HSD17B3: variants seen among roughly 807,000 people sequenced by gnomAD.
The protein encoded by HSD17B3 is 17-beta-hydroxysteroid dehydrogenase type 3.
A neutral mutation model predicts 41.1 loss-of-function variants in HSD17B3; 29 were observed. The ratio of observed to expected loss-of-function variants is 0.71; its 90% CI spans 0.53 to 0.96. The LOEUF is 0.96. Ranked by LOEUF, HSD17B3 falls within the 40% of genes least tolerant of loss-of-function variation. The pLI, the probability that HSD17B3 is intolerant of heterozygous loss-of-function variation, is 0.00. For missense variants in HSD17B3, 323 were observed against 374.6 expected, an observed-to-expected ratio of 0.86 and a Z score of 1.14; for synonymous variants, 126 against 145.6, an observed-to-expected ratio of 0.87 and a Z score of 0.97.
At chr9:96,286,082 G>A (rs2130783599) in intron 2 of HSD17B3, among the ~76,000 whole-genome samples, 2 of 152,330 alleles carry the variant, frequency 1.3e-5, no homozygotes, top group South Asian at 4.1e-4. Context: ...AGTGGCTCAT[G>A]CCTGTAATCC....
chr9:96,259,165 G>A (rs374693140), intron 2 of HSD17B3, among the ~76,000 whole-genome samples: 47 of 152,174 alleles, frequency 3.1e-4, no homozygotes, highest in African/African-American at 1.1e-3. Context: ...TCACACAGGT[G>A]TCAAGGAGCC....
intron 2 of HSD17B3, among the ~76,000 whole-genome samples, chr9:96,271,962 C>G (rs1163628498): frequency 6.6e-6 from 1 of 151,998 alleles, no homozygotes; most frequent in East Asian, 1.9e-4. Context: ...CCTTGCTGTA[C>G]TGCTTGAATT....
chr9:96,263,368 G>A (rs1284989646), intron 2 of HSD17B3, among the ~76,000 whole-genome samples: 1 of 152,010 alleles, frequency 6.6e-6, no homozygotes, highest in African/African-American at 2.4e-5. Context: ...TTGGGTAATT[G>A]AGCAACAAAT....
intron 6 of HSD17B3, among the ~76,000 whole-genome samples, chr9:96,246,999 ACT>A (rs1266590973): frequency 6.6e-6 from 1 of 151,984 alleles, no homozygotes; most frequent in Non-Finnish European, 1.5e-5. Flanking sequence ...ACCTAACAAG[ACT>A]CTGTAGAGAG....
At chr9:96,299,523 C>T (rs1827492985) in intron 1 of HSD17B3, among the ~76,000 whole-genome samples, 2 of 152,140 alleles carry the variant, frequency 1.3e-5, no homozygotes, top group Admixed American at 6.6e-5. Context: ...ATAATAACGA[C>T]GGATAACGGT....
intron 2 of HSD17B3, among the ~76,000 whole-genome samples, chr9:96,297,902 C>T (rs757194428): frequency 5.3e-5 from 8 of 152,084 alleles, no homozygotes; most frequent in African/African-American, 9.7e-5. Context: ...GAGAAATAAG[C>T]GTGGAAGCAA....
intron 2 of HSD17B3, among the ~76,000 whole-genome samples, chr9:96,286,548 T>C (rs549358907): frequency 5.4e-5 from 8 of 149,242 alleles, no homozygotes; most frequent in African/African-American, 1.8e-4. Context: ...AATTTAGCCA[T>C]GCATGGTGGC....
rs1011557175 is a variant in HSD17B3 at position 96,245,576 on chromosome 9, A to G, written c.525-150T>C. The G allele has an allele frequency of 1.4e-5, 10 of 697,358 alleles. No individual in the cohort carries two copies. The East Asian group carries it at 2.7e-4, about 19-fold the overall frequency. The allele number at this position is 697,358 out of a possible 1,614,324, so 43.2% of individuals were successfully genotyped here. On this transcript the variant is annotated intron_variant, in intron 7 of 10. Coordinates refer to ENST00000375263, the MANE Select transcript of HSD17B3 (RefSeq NM_000197.2). Reference sequence around the variant, plus strand: ...AGGGGCTCTGCTTCTAGGAATGGTAAGTGAACTTCCCCTACCTTCCCCTGG... The same window carrying G: ...AGGGGCTCTGCTTCTAGGAATGGTAGGTGAACTTCCCCTACCTTCCCCTGG...
At chr9:96,300,253 C>T (rs1046782357) in intron 1 of HSD17B3, among the ~76,000 whole-genome samples, 86 of 150,734 alleles carry the variant, frequency 5.7e-4, no homozygotes, top group Middle Eastern at 3.4e-3. Context: ...CACACACACA[C>T]GCACACAGCA....
intron 2 of HSD17B3, among the ~76,000 whole-genome samples, chr9:96,272,446 T>TATATATATATATATATATAA (rs34436322): frequency 2.3e-5 from 2 of 85,850 alleles, no homozygotes; most frequent in Admixed American, 1.5e-4. Flanking sequence ...TATATATATA[T>TATATATATATATATATATAA]AAAATATATA....
chr9:96,235,602 G>A (rs920419842), intron 10 of HSD17B3, 32 bp from the exon 11 acceptor site: 2 of 1,561,254 alleles, frequency 1.3e-6, no homozygotes, highest in Non-Finnish European at 1.8e-6. Context: ...GTGTTGGGGA[G>A]GAAGGAATAA....
At position 96,261,603 on chromosome 9, in the gene HSD17B3, G is replaced by C. The variant is rs1031128556; in HGVS notation, c.202-6660C>G. ...GATGCAGGGTGGGGTGCATTCGCCAGGGCCAAGGTCCTGTAGAGCAGTGAG... is the reference window on the plus strand; with the variant it reads ...GATGCAGGGTGGGGTGCATTCGCCACGGCCAAGGTCCTGTAGAGCAGTGAG... On this transcript the variant is annotated intron_variant, in intron 2 of 10. Coordinates refer to ENST00000375263, the MANE Select transcript of HSD17B3 (RefSeq NM_000197.2). Among the ~76,000 whole-genome samples, 7 of 152,230 alleles carry C rather than the reference G, an allele frequency of 4.6e-5. No individual in the cohort carries two copies. The South Asian group carries it at 1.0e-3, about 22-fold the overall frequency.
At chr9:96,269,670 G>A (rs767331324) in intron 2 of HSD17B3, among the ~76,000 whole-genome samples, 10 of 152,164 alleles carry the variant, frequency 6.6e-5, no homozygotes, top group Non-Finnish European at 1.3e-4. Flanking sequence ...TTGGGAGGCC[G>A]AGGCAGGTGG....
intron 2 of HSD17B3, among the ~76,000 whole-genome samples, chr9:96,272,405 C>CTCTCTCTCTATATA (rs1239816824): frequency 4.6e-5 from 1 of 21,536 alleles, no homozygotes; most frequent in African/African-American, 1.6e-4. Context: ...CTCTCTCTCT[C>CTCTCTCTCTATATA]TATATATATA....
At chr9:96,267,799 C>G (rs1316926098) in intron 2 of HSD17B3, among the ~76,000 whole-genome samples, 2 of 152,090 alleles carry the variant, frequency 1.3e-5, no homozygotes, top group Non-Finnish European at 2.9e-5. Context: ...ATATGAGTGA[C>G]AGGAGATCCA....
Position 96,292,514 on chromosome 9 carries a change from AT to A in HSD17B3, c.201+5901del, listed in dbSNP as rs1215234859. The stretch of plus-strand genomic sequence containing the variant: ...AGGTGCCCACCATCATGCCCAGCTA[AT>A]TTTTGTATTTTCCGTAGAGACAGGG... On this transcript the variant is annotated intron_variant, in intron 2 of 10. Coordinates refer to ENST00000375263, the MANE Select transcript of HSD17B3 (RefSeq NM_000197.2). Among the ~76,000 whole-genome samples, 4 of 152,214 alleles carry A rather than the reference AT, an allele frequency of 2.6e-5. No homozygotes were observed. The East Asian group carries it at 7.7e-4, about 29-fold the overall frequency.
chr9:96,237,762 C>G (rs1263766389), intron 10 of HSD17B3, among the ~76,000 whole-genome samples: 1 of 152,202 alleles, frequency 6.6e-6, no homozygotes, highest in Non-Finnish European at 1.5e-5. Flanking sequence ...AACTCCTTTT[C>G]CTGGTCTGTT....
chr9:96,299,695 T>TA (rs1391619058), intron 1 of HSD17B3, among the ~76,000 whole-genome samples: 1 of 152,170 alleles, frequency 6.6e-6, no homozygotes, highest in Non-Finnish European at 1.5e-5. Flanking sequence ...GTCACACTGC[T>TA]AAAAATGATG....
intron 2 of HSD17B3, among the ~76,000 whole-genome samples, chr9:96,271,403 G>A (rs1826241282): frequency 6.6e-6 from 1 of 152,152 alleles, no homozygotes; most frequent in Non-Finnish European, 1.5e-5. Context: ...TTCTGACAGA[G>A]AACTGCTGCT....
Sources: gnomAD v4.1 joint callset for allele counts (sites outside exome capture counted in the v4.1 genomes callset) on GRCh38, gnomAD v4.1.1 for gene constraint, MANE v1.5 for transcripts, NCBI Gene and HGNC (gene_info 2026-07-23, HGNC 2026-07-21) for gene names.